The following NSMCE1 variants were observed in gnomAD, a reference collection of about 807,000 sequenced individuals.
NSMCE1 encodes NSE1 component of SMC5/6 complex, also known as non-structural maintenance of chromosomes element 1 homolog.
In NSMCE1, 18 loss-of-function variants were observed where a neutral mutation model predicts 29.6. The observed-to-expected ratio is 0.61, with a 90% confidence interval of 0.42 to 0.90. The LOEUF is 0.90. Among genes scored for constraint, NSMCE1 ranks in the 40% least tolerant of loss-of-function variants. NSMCE1 has a pLI of 0.00. For synonymous variants in NSMCE1, 124 were observed against 133.4 expected (o/e 0.93, Z 0.49); for missense variants, 314 against 343.6 (o/e 0.91, Z 0.68).
intron 6 of NSMCE1, 80 bp downstream of exon 6, chr16:27,226,640 A>G: frequency 1.1e-6 from 1 of 899,582 alleles, no homozygotes; most frequent in South Asian, 1.5e-5. Context: ...GCCCAGAGCC[A>G]GGATTCCGGG....
chr16:27,234,779 C>T (rs1168598929), intron 3 of NSMCE1, among the ~76,000 whole-genome samples: 1 of 152,242 alleles, frequency 6.6e-6, no homozygotes, highest in Non-Finnish European at 1.5e-5. Flanking sequence ...GGCATGTCAG[C>T]TTCCCACTCC....
At chr16:27,255,041 G>T (rs1371025540) in intron 2 of NSMCE1, among the ~76,000 whole-genome samples, 1 of 151,422 alleles carries the variant, frequency 6.6e-6, no homozygotes, top group Non-Finnish European at 1.5e-5. Flanking sequence ...CACCACACCC[G>T]GCTAATTTTT....
At chr16:27,226,124 C>A (rs904702833) in intron 6 of NSMCE1, 7 of 320,726 alleles carry the variant, frequency 2.2e-5, no homozygotes. Context: ...CTGCAGGTGG[C>A]GTGTGGACAG....
intron 2 of NSMCE1, among the ~76,000 whole-genome samples, chr16:27,251,896 G>T (rs906453261): frequency 3.3e-5 from 5 of 152,146 alleles, no homozygotes; most frequent in African/African-American, 4.8e-5. Context: ...ATACTCCATT[G>T]TAAGTACTCC....
chr16:27,266,921 C>T (rs908148356), intron 1 of NSMCE1, among the ~76,000 whole-genome samples: 3 of 151,286 alleles, frequency 2.0e-5, no homozygotes, highest in East Asian at 3.9e-4. Context: ...ATAATGTGGG[C>T]AGCAAAAGAA....
intron 1 of NSMCE1, among the ~76,000 whole-genome samples, chr16:27,261,004 T>C (rs1171096968): frequency 6.6e-6 from 1 of 151,140 alleles, no homozygotes; most frequent in East Asian, 1.9e-4. Context: ...CCATCTCTAC[T>C]AAAAATACAA....
At chr16:27,265,200 C>A (rs936270511) in intron 1 of NSMCE1, among the ~76,000 whole-genome samples, 1 of 120,326 alleles carries the variant, frequency 8.3e-6, no homozygotes, top group Non-Finnish European at 1.7e-5. Context: ...CAGGGTCTCA[C>A]TCTGTTGCCC....
Position 27,238,982 on chromosome 16 carries a change from G to A in NSMCE1, c.137-3683C>T, listed in dbSNP as rs1596679325. On this transcript the variant is annotated intron_variant, in intron 2 of 7. Transcript: ENST00000361439. ...CCTCCCAGGTTCAAGCGATCCTCCT[G>A]CCTCAGCCTCCCCAGGCACTGGGAC... Among the ~76,000 whole-genome samples, 3 of 151,570 alleles carry A rather than the reference G, an allele frequency of 2.0e-5. No homozygotes were observed. In the East Asian group the frequency reaches 5.8e-4, roughly 29 times the overall value.
rs145237516 is a variant in NSMCE1 at position 27,232,030 on chromosome 16, G to A, written c.483+971C>T. ...ATCAGGTACCCCAGGAACTGAATTCGGGTCAGGTTCCTGGGACAGGCCCAC... is the reference window on the plus strand; with the variant it reads ...ATCAGGTACCCCAGGAACTGAATTCAGGTCAGGTTCCTGGGACAGGCCCAC... On this transcript the variant is annotated intron_variant, in intron 5 of 7. Coordinates refer to ENST00000361439, the MANE Select transcript of NSMCE1 (RefSeq NM_145080.4). This position sits in a 1 kb window ranked among gnomAD's most constrained non-coding sequence, Gnocchi z 4.5. Among the ~76,000 whole-genome samples the A allele has an allele frequency of 2.0e-5, 3 of 152,170 alleles. No individual in the cohort carries two copies. The highest frequency in any genetic ancestry group is 2.9e-5 in the Non-Finnish European group (2 of 68,040).
In NSMCE1 at chr16:27,225,194, T is replaced by A; in HGVS notation, c.764A>T (p.Lys255Ile). 1 of 1,607,914 alleles carries A rather than the reference T, an allele frequency of 6.2e-7. No individual in the cohort carries two copies. Residue 255 changes from lysine (K) to isoleucine (I), a missense_variant, in exon 8 of 8, where the codon AAA becomes ATA. Transcript: ENST00000361439. ...GGACCGCAGGGACTTTTTGTTCGAT[T>A]TCAAGACACCAGACTCCCTCTCCTT... ...PEKERESGVLKSNKKSLRSRQ... is the reference protein window; with the variant it reads ...PEKERESGVLISNKKSLRSRQ...
chr16:27,231,196 TG>T (rs1233328534), intron 5 of NSMCE1, among the ~76,000 whole-genome samples: 10 of 152,278 alleles, frequency 6.6e-5, no homozygotes, highest in African/African-American at 1.9e-4. Context: ...TAACATTTTT[TG>T]TAAGTTTTAA....
At position 27,236,025 on chromosome 16, in the gene NSMCE1, G is replaced by C. The variant is rs534226370; in HGVS notation, c.137-726C>G. Among the ~76,000 whole-genome samples the C allele has an allele frequency of 2.0e-5, 3 of 152,336 alleles. No individual in the cohort carries two copies. In the East Asian group the frequency reaches 5.8e-4, roughly 29 times the overall value. On this transcript the variant is annotated intron_variant, in intron 2 of 7. Transcript: ENST00000361439. ...CCCAGAGTTGCACCACAAGGCCGGGGCTTTGACTTCTCTGTCGCCCACCTC... is the reference window on the plus strand; with the variant it reads ...CCCAGAGTTGCACCACAAGGCCGGGCCTTTGACTTCTCTGTCGCCCACCTC...
intron 1 of NSMCE1, among the ~76,000 whole-genome samples, chr16:27,265,048 T>C (rs2084206547): frequency 6.6e-6 from 1 of 151,992 alleles, no homozygotes; most frequent in South Asian, 2.1e-4. Flanking sequence ...GACAAATGAT[T>C]ATGAAAACCA....
chr16:27,244,758 C>A (rs983866605), intron 2 of NSMCE1, among the ~76,000 whole-genome samples: 1 of 152,242 alleles, frequency 6.6e-6, no homozygotes, highest in Non-Finnish European at 1.5e-5. Flanking sequence ...CAAACTACCA[C>A]ACTGTCTGCC....
At chr16:27,264,883 C>A (rs1282941770) in intron 1 of NSMCE1, among the ~76,000 whole-genome samples, 1 of 152,016 alleles carries the variant, frequency 6.6e-6, no homozygotes, top group Non-Finnish European at 1.5e-5. Flanking sequence ...CTACAAAATA[C>A]AAAAGATTCA....
At chr16:27,252,678 G>A (rs1223735945) in intron 2 of NSMCE1, among the ~76,000 whole-genome samples, 4 of 152,198 alleles carry the variant, frequency 2.6e-5, no homozygotes, top group Non-Finnish European at 4.4e-5. Context: ...CAGCACTTGG[G>A]GAGGCGGAGG....
chr16:27,262,087 T>C (rs2084164011), intron 1 of NSMCE1, among the ~76,000 whole-genome samples: 2 of 151,842 alleles, frequency 1.3e-5, no homozygotes, highest in Non-Finnish European at 2.9e-5. Context: ...CTACCAAAAA[T>C]ACAAAAATTG....
chr16:27,253,884 T>G (rs2084059095), intron 2 of NSMCE1, among the ~76,000 whole-genome samples: 1 of 152,176 alleles, frequency 6.6e-6, no homozygotes, highest in African/African-American at 2.4e-5. Context: ...TGCACTGAAC[T>G]TGAGAACAAA....
intron 2 of NSMCE1, among the ~76,000 whole-genome samples, chr16:27,236,292 C>CTTT (rs35108912): frequency 2.1e-4 from 19 of 92,104 alleles, no homozygotes; most frequent in Middle Eastern, 6.1e-3. Flanking sequence ...TGCTGTGAAA[C>CTTT]TTTTTTTTTT....
Sources: allele counts gnomAD v4.1 joint callset (sites outside exome capture counted in the v4.1 genomes callset), GRCh38; gene constraint gnomAD v4.1.1; non-coding constraint Gnocchi (gnomAD v3.1); transcripts MANE v1.5; gene names NCBI Gene and HGNC (gene_info 2026-07-23, HGNC 2026-07-21).